Variants in PARD3B observed in about 807,000 individuals in gnomAD.
The protein encoded by PARD3B is partitioning defective 3 homolog B.
In PARD3B, 103 loss-of-function variants were observed where a neutral mutation model predicts 130.2. That is an observed-to-expected ratio of 0.79 (90% confidence interval 0.67 to 0.93). PARD3B has a LOEUF of 0.93. PARD3B is among the 40% of genes least tolerant of loss of function. The pLI is 0.00. For missense variants in PARD3B, 1,609 were observed against 1,499.2 expected (o/e 1.07, Z -1.21); for synonymous variants, 583 against 553.2 (o/e 1.05, Z -0.76).
At position 204,637,159 on chromosome 2, in the gene PARD3B, C is replaced by T. The variant is rs1479950816; in HGVS notation, c.121-49022C>T. Among the ~76,000 whole-genome samples the T allele has an allele frequency of 2.6e-5, 4 of 152,094 alleles. No individual in the cohort carries two copies. The East Asian group carries it at 7.7e-4, about 29-fold the overall frequency. On this transcript the variant is annotated intron_variant, in intron 1 of 22. Transcript: ENST00000406610. Reference sequence around the variant, plus strand: ...ATTTTTGGTTTTTTACCCTCATATCCTCAGAAACTGAAGAGGCTACCAGGA... The same window carrying T: ...ATTTTTGGTTTTTTACCCTCATATCTTCAGAAACTGAAGAGGCTACCAGGA...
chr2:204,802,454 C>T (rs2042605396), intron 2 of PARD3B, among the ~76,000 whole-genome samples: 1 of 152,000 alleles, frequency 6.6e-6, no homozygotes, highest in Non-Finnish European at 1.5e-5. Flanking sequence ...GGATCTAGAA[C>T]CAGAAATACC....
chr2:205,598,742 A>G (rs1258355943), intron 22 of PARD3B, among the ~76,000 whole-genome samples: 1 of 152,212 alleles, frequency 6.6e-6, no homozygotes, highest in African/African-American at 2.4e-5. Context: ...ATACATTTTT[A>G]AAAATCTAAA....
intron 20 of PARD3B, among the ~76,000 whole-genome samples, chr2:205,482,347 G>C (rs1403950348): frequency 1.3e-5 from 2 of 152,162 alleles, no homozygotes; most frequent in East Asian, 1.9e-4. Context: ...GTTAGGGAGA[G>C]TTTTGCTGGG....
chr2:204,647,038 A>G (rs1191374413), intron 1 of PARD3B, among the ~76,000 whole-genome samples: 2 of 151,952 alleles, frequency 1.3e-5, no homozygotes, highest in African/African-American at 4.8e-5. Context: ...TCAAGATACA[A>G]TTTCTACTGA....
At chr2:205,089,692 T>G (rs971517053) in intron 4 of PARD3B, among the ~76,000 whole-genome samples, 4 of 152,346 alleles carry the variant, frequency 2.6e-5, no homozygotes, top group Admixed American at 2.6e-4. Context: ...ATTCTCCATT[T>G]CCTGAAGTCA....
intron 3 of PARD3B, among the ~76,000 whole-genome samples, chr2:205,043,940 A>T (rs890863578): frequency 6.7e-6 from 1 of 148,322 alleles, no homozygotes; most frequent in African/African-American, 2.5e-5. Flanking sequence ...ATATCTCCCA[A>T]TGCTATCCCT....
At chr2:204,873,050 A>T (rs957287846) in intron 2 of PARD3B, among the ~76,000 whole-genome samples, 1 of 152,214 alleles carries the variant, frequency 6.6e-6, no homozygotes, top group Admixed American at 6.6e-5. Flanking sequence ...AGGTAAGTAA[A>T]AAGATAAAGA....
rs2033340547 is a variant in PARD3B at position 205,146,141 on chromosome 2, A to G, written c.1435-12581A>G. Among the ~76,000 whole-genome samples the G allele has an allele frequency of 6.6e-6, 1 of 152,218 alleles. No homozygotes were observed. Among genetic ancestry groups the G allele is most frequent in the Non-Finnish European group, 1.5e-5 (1 of 68,030 alleles). On this transcript the variant is annotated intron_variant, in intron 10 of 22. Coordinates refer to ENST00000406610, the MANE Select transcript of PARD3B (RefSeq NM_001302769.2). The surrounding 1 kb of genome is among the most constrained non-coding windows in gnomAD (Gnocchi z 4.3). ...GTGGATACAGCAGGCACCGTAGCCC[A>G]TGTACTCACTTTAATGAGATGCTCT... is the stretch of plus-strand genomic sequence containing the variant.
At chr2:204,631,513 G>A (rs1487932842) in intron 1 of PARD3B, among the ~76,000 whole-genome samples, 1 of 152,172 alleles carries the variant, frequency 6.6e-6, no homozygotes, top group Non-Finnish European at 1.5e-5. Context: ...CTCCCAAAGT[G>A]CGGGATTACA....
At chr2:204,577,742 A>T (rs2032341894) in intron 1 of PARD3B, among the ~76,000 whole-genome samples, 1 of 151,102 alleles carries the variant, frequency 6.6e-6, no homozygotes, top group East Asian at 2.0e-4. Flanking sequence ...GGCTAATTTT[A>T]AAAATTGTTT....
intron 2 of PARD3B, among the ~76,000 whole-genome samples, chr2:204,876,291 A>G (rs1169593899): frequency 6.6e-6 from 1 of 152,254 alleles, no homozygotes; most frequent in African/African-American, 2.4e-5. Flanking sequence ...TAATAGCTTC[A>G]ACTGAATCAA....
At position 204,982,460 on chromosome 2, in the gene PARD3B, A is replaced by G. The variant is rs576971173; in HGVS notation, c.394+17137A>G. ...CCCAGATCCTCCCCAAGTTAAGCAC[A>G]CAAGTACAGGGGCTTGGCCACATGC... On this transcript the variant is annotated intron_variant, in intron 3 of 22. Transcript: ENST00000406610. 3.3e-5 allele frequency among the ~76,000 whole-genome samples: 5 copies of G among 152,312 alleles called. No homozygotes were observed. In the South Asian group the frequency reaches 1.0e-3, roughly 32 times the overall value.
chr2:205,223,661 C>T (rs1266784507), intron 15 of PARD3B, among the ~76,000 whole-genome samples: 3 of 152,150 alleles, frequency 2.0e-5, no homozygotes, highest in African/African-American at 7.2e-5. Context: ...TAAAACTTGC[C>T]TGTTCTCAGC....
At chr2:204,570,978 G>A (rs2031969683) in intron 1 of PARD3B, among the ~76,000 whole-genome samples, 1 of 151,370 alleles carries the variant, frequency 6.6e-6, no homozygotes, top group South Asian at 2.1e-4. Context: ...ATAAGCTGTT[G>A]CAACTGAGGT....
chr2:204,826,947 G>A (rs1381667120), intron 2 of PARD3B, among the ~76,000 whole-genome samples: 1 of 152,112 alleles, frequency 6.6e-6, no homozygotes, highest in Non-Finnish European at 1.5e-5. Flanking sequence ...TTAAGCCCAG[G>A]AGTTGAAGGC....
rs1223730132 is a variant in PARD3B, at chr2:204,688,799, C to T, written c.222+2517C>T. ...CAGTCTCACTCAGGATCCTTTGAGG[C>T]GGTATTGAGCTTAGACAAAATAACA... On this transcript the variant is annotated intron_variant, in intron 2 of 22. Transcript: ENST00000406610. Among the ~76,000 whole-genome samples, 9 of 151,978 alleles carry T rather than the reference C, an allele frequency of 5.9e-5. No individual in the cohort carries two copies. The East Asian group carries it at 1.5e-3, about 26-fold the overall frequency.
chr2:205,220,331 C>G (rs1023657345), intron 15 of PARD3B, among the ~76,000 whole-genome samples: 16 of 152,118 alleles, frequency 1.1e-4, no homozygotes, highest in Non-Finnish European at 2.1e-4. Flanking sequence ...ACTGAGCACC[C>G]CAGCCAAATG....
intron 22 of PARD3B, among the ~76,000 whole-genome samples, chr2:205,583,720 T>C (rs965040804): frequency 2.0e-5 from 3 of 152,192 alleles, no homozygotes; most frequent in Admixed American, 2.0e-4. Context: ...CTTAAAACCA[T>C]ACTCATTTGG....
intron 3 of PARD3B, among the ~76,000 whole-genome samples, chr2:204,977,453 A>C (rs919344172): frequency 6.6e-5 from 10 of 152,180 alleles, no homozygotes; most frequent in African/African-American, 2.2e-4. Context: ...TTTAGAGAGA[A>C]TTTCAAATAA....
Sources: gnomAD v4.1 joint callset for allele counts (sites outside exome capture counted in the v4.1 genomes callset) on GRCh38, gnomAD v4.1.1 for gene constraint, Gnocchi (gnomAD v3.1) non-coding constraint, MANE v1.5 for transcripts, NCBI Gene and HGNC (gene_info 2026-07-23, HGNC 2026-07-21) for gene names.